The following EPHB1 variants were observed in gnomAD, a reference collection of about 807,000 sequenced individuals.
EPHB1 encodes EPH receptor B1.
EPHB1 carries 30 observed loss-of-function variants against 94.4 expected under a neutral mutation model. The ratio of observed to expected loss-of-function variants is 0.32; its 90% confidence interval spans 0.24 to 0.43. EPHB1 has a LOEUF of 0.43. EPHB1 is among the 20% of genes least tolerant of loss of function. EPHB1 has a pLI of 1.00. For synonymous variants in EPHB1, 522 were observed against 489.1 expected, an observed-to-expected ratio of 1.07 and a Z score of -0.89; for missense variants, 1,055 against 1,308.3, an observed-to-expected ratio of 0.81 and a Z score of 2.99.
chr3:134,824,110 A>G lies in EPHB1; in HGVS notation c.58+28421A>G, dbSNP rs185509901. ...CTCTGAGTTTTCTCTGAATGTTTAC[A>G]AAAAGGATAATGCCCTTTTTTTTTT... On this transcript the variant is annotated intron_variant, in intron 1 of 15. Coordinates refer to ENST00000398015, the MANE Select transcript of EPHB1 (RefSeq NM_004441.5). 2.4e-3 allele frequency among the ~76,000 whole-genome samples: 364 copies of G among 151,508 alleles called. 2 individuals carry two copies. The highest frequency in any genetic ancestry group is 8.6e-3 in the African/African-American group (353 of 41,086).
chr3:135,070,691 T>C (rs771112691), intron 3 of EPHB1, among the ~76,000 whole-genome samples: 1 of 152,234 alleles, frequency 6.6e-6, no homozygotes, highest in Non-Finnish European at 1.5e-5. Context: ...ACAATTTAAT[T>C]AATTTATACT....
intron 3 of EPHB1, among the ~76,000 whole-genome samples, chr3:134,959,965 C>CT (rs1933440724): frequency 1.9e-5 from 2 of 104,626 alleles, no homozygotes; most frequent in African/African-American, 3.5e-5. Context: ...AACATCTGCA[C>CT]CTTTTTTTTT....
At chr3:134,877,984 G>A (rs182003995) in intron 1 of EPHB1, among the ~76,000 whole-genome samples, 9 of 152,312 alleles carry the variant, frequency 5.9e-5, no homozygotes, top group African/African-American at 1.9e-4. Context: ...CCCTGGGAGC[G>A]GTGGCTGAGG....
At chr3:134,809,642 T>A (rs2036129387) in intron 1 of EPHB1, among the ~76,000 whole-genome samples, 2 of 152,196 alleles carry the variant, frequency 1.3e-5, no homozygotes, top group Admixed American at 1.3e-4. Context: ...ATCGCCCTCT[T>A]TTATGGTGCC....
At chr3:134,976,541 C>G (rs1455689550) in intron 3 of EPHB1, among the ~76,000 whole-genome samples, 2 of 152,200 alleles carry the variant, frequency 1.3e-5, no homozygotes, top group Non-Finnish European at 2.9e-5. Flanking sequence ...CATTCTTGCT[C>G]TCCTTTTTAT....
intron 3 of EPHB1, among the ~76,000 whole-genome samples, chr3:135,031,522 C>A (rs1936469671): frequency 6.6e-6 from 1 of 152,168 alleles, no homozygotes; most frequent in African/African-American, 2.4e-5. Context: ...ATTGTCCATG[C>A]TGGTCTTGAA....
chr3:134,817,963 G>A (rs1057352872), intron 1 of EPHB1, among the ~76,000 whole-genome samples: 7 of 152,320 alleles, frequency 4.6e-5, no homozygotes, highest in Non-Finnish European at 8.8e-5. Context: ...GAGGTCCTGT[G>A]CCTATGTTCC....
chr3:134,872,176 A>G (rs531857021), intron 1 of EPHB1, among the ~76,000 whole-genome samples: 37 of 152,296 alleles, frequency 2.4e-4, no homozygotes, highest in Non-Finnish European at 4.7e-4. Flanking sequence ...CTCACAACAA[A>G]TTGACAAGGG....
At chr3:135,008,343 C>T (rs1935497085) in intron 3 of EPHB1, among the ~76,000 whole-genome samples, 1 of 152,190 alleles carries the variant, frequency 6.6e-6, no homozygotes, top group South Asian at 2.1e-4. Flanking sequence ...CCCCATTTTA[C>T]AGATGAGGAT....
intron 1 of EPHB1, among the ~76,000 whole-genome samples, chr3:134,809,756 G>A (rs1347291960): frequency 6.6e-6 from 1 of 152,202 alleles, no homozygotes; most frequent in Non-Finnish European, 1.5e-5. Context: ...ATCTGAGCAT[G>A]CAGACTTCTG....
chr3:135,236,237 C>G (rs1044703126), intron 12 of EPHB1, among the ~76,000 whole-genome samples: 1 of 152,146 alleles, frequency 6.6e-6, no homozygotes, highest in Admixed American at 6.5e-5. Flanking sequence ...CTTGATATAA[C>G]TTGGTTTGTA....
intron 1 of EPHB1, among the ~76,000 whole-genome samples, chr3:134,851,584 T>C (rs1327234142): frequency 1.3e-5 from 2 of 152,246 alleles, no homozygotes; most frequent in Admixed American, 1.3e-4. Context: ...TCTGCAGTCT[T>C]GTTCCTTGGG....
intron 5 of EPHB1, among the ~76,000 whole-genome samples, chr3:135,148,487 G>A (rs188557174): frequency 2.8e-4 from 42 of 152,222 alleles, no homozygotes; most frequent in East Asian, 1.9e-4. Flanking sequence ...CTTTGGGACC[G>A]TTTGTACAAA....
chr3:135,184,554 A>G (rs1942279657), intron 10 of EPHB1, among the ~76,000 whole-genome samples: 1 of 152,180 alleles, frequency 6.6e-6, no homozygotes, highest in Admixed American at 6.5e-5. Context: ...TGGCACTTAA[A>G]TGCTCAATTA....
intron 4 of EPHB1, among the ~76,000 whole-genome samples, chr3:135,112,788 A>G (rs1468186710): frequency 1.3e-5 from 2 of 151,882 alleles, no homozygotes; most frequent in African/African-American, 4.8e-5. Flanking sequence ...CCAGTCTATC[A>G]TTGATGGACA....
intron 12 of EPHB1, among the ~76,000 whole-genome samples, chr3:135,202,730 G>A (rs933578015): frequency 2.6e-5 from 4 of 152,246 alleles, no homozygotes; most frequent in Non-Finnish European, 4.4e-5. Context: ...AACAGATGCT[G>A]GTGAGGCTGT....
At chr3:135,248,177 C>T in intron 13 of EPHB1, 139 bp from the exon 14 acceptor site, 1 of 705,426 alleles carries the variant, frequency 1.4e-6, no homozygotes, top group Non-Finnish European at 2.2e-6. Flanking sequence ...AAATCCATTA[C>T]AGCGGAAGGT....
Position 135,221,600 on chromosome 3 carries a change from C to G in EPHB1, c.2347-19548C>G, listed in dbSNP as rs574153417. Among the ~76,000 whole-genome samples the G allele has an allele frequency of 2.4e-4, 37 of 152,260 alleles. No individual in the cohort carries two copies. The South Asian group carries it at 7.7e-3, about 32-fold the overall frequency. Reference sequence around the variant, plus strand: ...CAGGAGATAATTCTGAATGGTGGCCCCCTCAGCAGTTGAGGCTGAATTTTG... The same window carrying G: ...CAGGAGATAATTCTGAATGGTGGCCGCCTCAGCAGTTGAGGCTGAATTTTG... On this transcript the variant is annotated intron_variant, in intron 12 of 15. Transcript: ENST00000398015.
intron 1 of EPHB1, among the ~76,000 whole-genome samples, chr3:134,840,935 C>T (rs1191044330): frequency 6.6e-6 from 1 of 152,222 alleles, no homozygotes; most frequent in Non-Finnish European, 1.5e-5. Context: ...TCGCTGTTAA[C>T]AGCAGTCTCC....
Sources: gnomAD v4.1 joint callset for allele counts (sites outside exome capture counted in the v4.1 genomes callset) on GRCh38, gnomAD v4.1.1 for gene constraint, MANE v1.5 for transcripts, NCBI Gene and HGNC (gene_info 2026-07-23, HGNC 2026-07-21) for gene names.